The following MRPS28 variants were observed in gnomAD, a reference collection of about 807,000 sequenced individuals.
The protein encoded by MRPS28 is small ribosomal subunit protein bS1m.
MRPS28 carries 7 observed loss-of-function variants against 10.8 expected under a neutral mutation model. The ratio of observed to expected loss-of-function variants is 0.65; its 90% CI spans 0.37 to 1.22. The LOEUF (loss-of-function observed/expected upper bound fraction) is 1.22, where lower values mean the gene tolerates loss of function less well. Among genes scored for constraint, MRPS28 ranks in the 50% most tolerant of loss-of-function variants. MRPS28 has a pLI of 0.02. For missense variants in MRPS28, 265 were observed against 232.9 expected (o/e 1.14, Z -0.90); for synonymous variants, 121 against 93.3 (o/e 1.30, Z -1.71).
chr8:79,985,243 A>T (rs556028403), intron 2 of MRPS28, among the ~76,000 whole-genome samples: 1 of 152,374 alleles, frequency 6.6e-6, no homozygotes, highest in East Asian at 1.9e-4. Flanking sequence ...CAAAGACACA[A>T]CATACCGGAA....
intron 2 of MRPS28, among the ~76,000 whole-genome samples, chr8:79,942,561 A>G (rs1586048545): frequency 6.6e-6 from 1 of 152,198 alleles, no homozygotes; most frequent in South Asian, 2.1e-4. Context: ...TGACATTTCT[A>G]TAAATAAAGC....
intron 2 of MRPS28, among the ~76,000 whole-genome samples, chr8:79,940,363 T>C (rs1218970655): frequency 1.3e-5 from 2 of 152,240 alleles, no homozygotes; most frequent in Non-Finnish European, 2.9e-5. Flanking sequence ...TTTTTCATAA[T>C]GCATTTGCGA....
At chr8:79,985,996 T>A (rs1031287202) in intron 2 of MRPS28, among the ~76,000 whole-genome samples, 2 of 152,110 alleles carry the variant, frequency 1.3e-5, no homozygotes, top group Non-Finnish European at 2.9e-5. Flanking sequence ...TAGACTAATA[T>A]CCTTGATGAA....
At chr8:79,960,420 A>T (rs1177714735) in intron 2 of MRPS28, among the ~76,000 whole-genome samples, 8 of 152,208 alleles carry the variant, frequency 5.3e-5, no homozygotes, top group African/African-American at 1.9e-4. Flanking sequence ...CTCTGCACCC[A>T]TCTACAATTA....
At chr8:80,008,051 C>G (rs1808910399) in intron 1 of MRPS28, among the ~76,000 whole-genome samples, 1 of 152,096 alleles carries the variant, frequency 6.6e-6, no homozygotes, top group African/African-American at 2.4e-5. Context: ...ACCAAAATAG[C>G]ATGATACTGG....
chr8:80,006,643 C>T (rs570034390), intron 1 of MRPS28, among the ~76,000 whole-genome samples: 15 of 152,296 alleles, frequency 9.8e-5, no homozygotes, highest in Non-Finnish European at 1.5e-5. Context: ...CTATAAACAC[C>T]TCTACGCAAA....
chr8:79,937,603 T>G (rs544888792), intron 2 of MRPS28, among the ~76,000 whole-genome samples: 1 of 152,332 alleles, frequency 6.6e-6, no homozygotes, highest in East Asian at 1.9e-4. Context: ...TAATTGTGTG[T>G]GCAGTTATCA....
intron 2 of MRPS28, among the ~76,000 whole-genome samples, chr8:79,939,049 C>T (rs1806685612): frequency 6.6e-6 from 1 of 152,174 alleles, no homozygotes; most frequent in African/African-American, 2.4e-5. Context: ...TTCAGAGATA[C>T]CTACTGAAAG....
chr8:80,004,335 C>A (rs116014175), intron 1 of MRPS28, among the ~76,000 whole-genome samples: 1 of 152,192 alleles, frequency 6.6e-6, no homozygotes, highest in Non-Finnish European at 1.5e-5. Context: ...CATCAGTATT[C>A]GCTGTTCCGC....
rs550281932 is a variant in MRPS28, at chr8:79,952,332, C to T, written c.396-33184G>A. Among the ~76,000 whole-genome samples the T allele has an allele frequency of 1.7e-4, 26 of 152,278 alleles. No individual in the cohort carries two copies. The South Asian group carries it at 5.2e-3, about 30-fold the overall frequency. On this transcript the variant is annotated intron_variant, in intron 2 of 2. Coordinates refer to ENST00000276585, the MANE Select transcript of MRPS28 (RefSeq NM_014018.3). ...GAAAATGAAGTTTTTAATGGGCCTA[C>T]TTTCTCTTTCTTCCTACCCTAACCT...
rs557570486 is a variant in MRPS28 at position 79,994,109 on chromosome 8, G to T, written c.395+8890C>A. Among the ~76,000 whole-genome samples, 5 of 152,116 alleles carry T rather than the reference G, an allele frequency of 3.3e-5. No individual in the cohort carries two copies. In the South Asian group the frequency reaches 1.0e-3, roughly 32 times the overall value. On this transcript the variant is annotated intron_variant, in intron 2 of 2. Transcript: ENST00000276585. ...AATCCTCATTAACACATTAGTAAACGGACTTTACTTATAAAACTGGACTTG... is the reference window on the plus strand; with the variant it reads ...AATCCTCATTAACACATTAGTAAACTGACTTTACTTATAAAACTGGACTTG...
intron 2 of MRPS28, among the ~76,000 whole-genome samples, chr8:79,995,539 G>A (rs565975707): frequency 3.3e-5 from 5 of 152,162 alleles, no homozygotes; most frequent in South Asian, 2.1e-4. Flanking sequence ...CAAAACACTC[G>A]GCACCTTGAT....
chr8:79,921,143 G>A (rs1006999781), intron 2 of MRPS28, among the ~76,000 whole-genome samples: 1 of 150,712 alleles, frequency 6.6e-6, no homozygotes, highest in Non-Finnish European at 1.5e-5. Flanking sequence ...TGTTCCATTG[G>A]TCTATATCTC....
chr8:79,925,136 T>C (rs1440727850), intron 2 of MRPS28, among the ~76,000 whole-genome samples: 1 of 152,100 alleles, frequency 6.6e-6, no homozygotes. Flanking sequence ...AGCACACATC[T>C]TAAGTCCTAA....
At chr8:79,941,342 T>C (rs1185757029) in intron 2 of MRPS28, among the ~76,000 whole-genome samples, 1 of 152,154 alleles carries the variant, frequency 6.6e-6, no homozygotes, top group Admixed American at 6.6e-5. Flanking sequence ...CCTGCTACTC[T>C]TCCAGATCAC....
chr8:79,955,689 T>C (rs879918134), intron 2 of MRPS28, among the ~76,000 whole-genome samples: 1 of 152,190 alleles, frequency 6.6e-6, no homozygotes, highest in Non-Finnish European at 1.5e-5. Context: ...GTGCCACTTA[T>C]GTAGCACTAT....
chr8:80,028,568 A>T (rs1248187560), intron 1 of MRPS28: 1 of 150,244 alleles, frequency 6.7e-6, no homozygotes, highest in Middle Eastern at 3.2e-3. Context: ...GGTGGAATTA[A>T]GATTGCTAAT....
Position 79,921,927 on chromosome 8 carries a change from G to C in MRPS28, c.396-2779C>G, listed in dbSNP as rs538576944. Among the ~76,000 whole-genome samples the C allele has an allele frequency of 2.4e-4, 37 of 152,226 alleles. No homozygotes were observed. The East Asian group carries it at 7.1e-3, about 29-fold the overall frequency. ...TGATATTGGCTGTGGGTTTGTCATA[G>C]ACAGCTCTTATTATTTTGAGATACG... On this transcript the variant is annotated intron_variant, in intron 2 of 2. Transcript: ENST00000276585.
chr8:79,929,861 G>A (rs533194303), intron 2 of MRPS28, among the ~76,000 whole-genome samples: 1 of 152,202 alleles, frequency 6.6e-6, no homozygotes, highest in Middle Eastern at 3.4e-3. Flanking sequence ...TAAAAGTTAT[G>A]ATTCTGTGAC....
Sources: allele counts gnomAD v4.1 joint callset (sites outside exome capture counted in the v4.1 genomes callset), GRCh38; gene constraint gnomAD v4.1.1; transcripts MANE v1.5; gene names NCBI Gene and HGNC (gene_info 2026-07-23, HGNC 2026-07-21).